TTLL1: variants seen among roughly 807,000 people sequenced by gnomAD.
TTLL1 encodes polyglutamylase complex subunit TTLL1.
Under a neutral mutation model 47.8 loss-of-function variants are expected in TTLL1, and 33 were observed. The ratio of observed to expected loss-of-function variants is 0.69; its 90% confidence interval spans 0.52 to 0.92. The LOEUF (loss-of-function observed/expected upper bound fraction) is 0.92. Ranked by LOEUF, TTLL1 falls within the 40% of genes least tolerant of loss-of-function variation. TTLL1 has a pLI of 0.00. For missense variants in TTLL1, 488 were observed against 547.5 expected (o/e 0.89, Z 1.08); for synonymous variants, 225 against 214.1 (o/e 1.05, Z -0.45).
chr22:43,042,994 C>T (rs931551893), intron 10 of TTLL1, among the ~76,000 whole-genome samples: 6 of 143,662 alleles, frequency 4.2e-5, no homozygotes, highest in Non-Finnish European at 9.0e-5. Context: ...GGCTGGAGTG[C>T]GGTGGCACGA....
rs1005901436 is a variant in TTLL1 at position 43,063,850 on chromosome 22, A to T, written c.710T>A (p.Phe237Tyr). The T allele has an allele frequency of 6.2e-7, 1 of 1,614,082 alleles. No individual in the cohort carries two copies. Among genetic ancestry groups the T allele is most frequent in the African/African-American group, 1.3e-5 (1 of 75,048 alleles). ...TPSTSELDNM[F>Y]VHLTNVAIQK... ...GATGGCGACGTTGGTGAGATGAACG[A>T]ACATGTTGTCCAGCTCACTGGTACT... The change falls in exon 7 of 11, where the codon TTC (phenylalanine) becomes TAC (tyrosine). Residue 237 changes from phenylalanine (F) to tyrosine (Y), a missense_variant. Phe to Tyr is a conservative substitution (Grantham distance 22, BLOSUM62 3). Transcript: ENST00000266254.
intron 10 of TTLL1, among the ~76,000 whole-genome samples, chr22:43,044,002 C>T (rs1460255993): frequency 6.6e-6 from 1 of 152,058 alleles, no homozygotes; most frequent in Non-Finnish European, 1.5e-5. Context: ...CCTCGTCACC[C>T]CTTGCATTAT....
chr22:43,059,624 C>T, intron 7 of TTLL1, 97 bp from the exon 8 acceptor site: 2 of 1,433,302 alleles, frequency 1.4e-6, no homozygotes, highest in South Asian at 1.4e-5. Context: ...GGAGTGCCCC[C>T]TGGGTGTGGG....
At position 43,046,592 on chromosome 22, in the gene TTLL1, A is replaced by G; in HGVS notation, c.979-19T>C. ...CATTCACCTGTGAGATGAAAGACCC[A>G]TGTTCCTCACCTGTGTCTCTCGCTC... On this transcript the variant is annotated intron_variant, in intron 9 of 10. Transcript: ENST00000266254. The G allele has an allele frequency of 6.2e-7, 1 of 1,611,914 alleles. No individual in the cohort carries two copies. The highest frequency in any genetic ancestry group is 8.5e-7 in the Non-Finnish European group (1 of 1,178,106).
chr22:43,060,726 A>G (rs888435852), intron 7 of TTLL1, among the ~76,000 whole-genome samples: 1 of 152,126 alleles, frequency 6.6e-6, no homozygotes. Flanking sequence ...TTCTCCATAC[A>G]ATGCTTATCT....
intron 9 of TTLL1, 122 bp from the exon 10 acceptor site, chr22:43,046,695 GT>G (rs1926166123): frequency 1.7e-6 from 2 of 1,177,394 alleles, no homozygotes; most frequent in African/African-American, 3.1e-5. Context: ...TTGAGACAGA[GT>G]TTCGCTCTTG....
chr22:43,059,342 A>G, intron 8 of TTLL1, 42 bp downstream of exon 8: 1 of 1,570,578 alleles, frequency 6.4e-7, no homozygotes, highest in Non-Finnish European at 8.6e-7. Context: ...CCACTCCCAA[A>G]CGGGCCCTGG....
chr22:43,044,579 T>C (rs1213690647), intron 10 of TTLL1, among the ~76,000 whole-genome samples: 1 of 152,184 alleles, frequency 6.6e-6, no homozygotes, highest in Non-Finnish European at 1.5e-5. Flanking sequence ...GACAGAAGCA[T>C]GTAACTGTGA....
At chr22:43,045,420 G>A (rs767402688) in intron 10 of TTLL1, among the ~76,000 whole-genome samples, 9 of 150,776 alleles carry the variant, frequency 6.0e-5, no homozygotes, top group East Asian at 1.9e-4. Context: ...ACAAGCCCTC[G>A]AAAGTTAGCT....
chr22:43,057,952 A>ATAT (rs1004769454), intron 8 of TTLL1, among the ~76,000 whole-genome samples: 1 of 121,032 alleles, frequency 8.3e-6, no homozygotes, highest in Non-Finnish European at 1.7e-5. Flanking sequence ...ATATATATAT[A>ATAT]TTTTTTTTTT....
chr22:43,060,416 C>A (rs375420900), intron 7 of TTLL1, among the ~76,000 whole-genome samples: 7 of 152,338 alleles, frequency 4.6e-5, no homozygotes, highest in African/African-American at 1.7e-4. Context: ...CAGCGCCCCA[C>A]GGTGGGCAGA....
intron 3 of TTLL1, chr22:43,070,290 T>TTTGATA (rs1288891786): frequency 9.6e-7 from 1 of 1,037,510 alleles, no homozygotes; most frequent in East Asian, 6.3e-5. Flanking sequence ...TGAGTCAGTA[T>TTTGATA]TTGATATTCT....
At chr22:43,067,953 G>A (rs1927847226) in intron 5 of TTLL1, among the ~76,000 whole-genome samples, 2 of 148,650 alleles carry the variant, frequency 1.3e-5, no homozygotes, top group African/African-American at 2.5e-5. Flanking sequence ...ACAGGCACCT[G>A]CCACCTCACC....
intron 10 of TTLL1, among the ~76,000 whole-genome samples, chr22:43,041,897 A>G (rs1296492489): frequency 3.3e-5 from 5 of 152,160 alleles, no homozygotes; most frequent in Admixed American, 2.0e-4. Context: ...GGATGATGAT[A>G]CAGGGGCCTG....
intron 8 of TTLL1, among the ~76,000 whole-genome samples, chr22:43,058,623 T>C (rs1927181059): frequency 1.3e-5 from 2 of 152,020 alleles, no homozygotes; most frequent in Admixed American, 1.3e-4. Context: ...CTAGCCCCTT[T>C]CCCTTTCCGA....
chr22:43,069,581 A>G (rs1331497987), intron 4 of TTLL1, 55 bp downstream of exon 4: 101 of 1,611,022 alleles, frequency 6.3e-5, no homozygotes, highest in Non-Finnish European at 8.1e-5. Context: ...CTCGCGCCCC[A>G]AAGAAAAAAT....
chr22:43,068,567 G>A lies in TTLL1; in HGVS notation c.346C>T (p.Leu116=). ...YLDFVPVTYM[L]PADYNLFVEE... ...ACAAACAGGTTGTAGTCAGCGGGCAGCATATAGGTGACTGGAACAAAGTCT... is the reference window on the plus strand; with the variant it reads ...ACAAACAGGTTGTAGTCAGCGGGCAACATATAGGTGACTGGAACAAAGTCT... The change falls in exon 5 of 11, where the codon CTG becomes TTG. Residue 116 remains leucine, a synonymous_variant. Coordinates refer to ENST00000266254, the MANE Select transcript of TTLL1 (RefSeq NM_012263.5). The A allele has an allele frequency of 1.3e-6, 2 of 1,508,872 alleles. No individual in the cohort carries two copies. Among genetic ancestry groups the A allele is most frequent in the Non-Finnish European group, 9.0e-7 (1 of 1,111,710 alleles). 93.5% of individuals were successfully genotyped at this position (1,508,872 alleles called of 1,614,324 possible).
intron 1 of TTLL1, among the ~76,000 whole-genome samples, chr22:43,080,634 C>A (rs1379465166): frequency 6.6e-6 from 1 of 152,030 alleles, no homozygotes; most frequent in Middle Eastern, 3.2e-3. Flanking sequence ...ACCCTGTGCC[C>A]CACCTGGAAC....
At chr22:43,043,732 C>T (rs1242158935) in intron 10 of TTLL1, among the ~76,000 whole-genome samples, 1 of 152,110 alleles carries the variant, frequency 6.6e-6, no homozygotes, top group Non-Finnish European at 1.5e-5. Flanking sequence ...TTCTCTCCCA[C>T]CCCCCATACT....
Sources: gnomAD v4.1 joint callset for allele counts (sites outside exome capture counted in the v4.1 genomes callset) on GRCh38, gnomAD v4.1.1 for gene constraint, MANE v1.5 for transcripts, NCBI Gene and HGNC (gene_info 2026-07-23, HGNC 2026-07-21) for gene names.